Variants in XPR1 observed in about 807,000 individuals in gnomAD.
XPR1 encodes the protein xenotropic and polytropic retrovirus receptor 1.
Under a neutral mutation model 87.5 loss-of-function variants are expected in XPR1, and 28 were observed. The observed-to-expected ratio is 0.32, with a 90% CI of 0.24 to 0.44. The LOEUF is 0.44. Ranked by LOEUF, XPR1 falls within the 20% of genes least tolerant of loss-of-function variation. The pLI is 1.00. For synonymous variants in XPR1, 300 were observed against 306.1 expected (o/e 0.98, Z 0.21); for missense variants, 559 against 862.3 (o/e 0.65, Z 4.41).
In XPR1 at chr1:180,888,213, A is replaced by C. The variant is rs182155186; in HGVS notation, c.*4147A>C. The C allele has an allele frequency of 6.6e-6, 1 of 152,270 alleles. No individual in the cohort carries two copies. Among genetic ancestry groups the C allele is most frequent in the East Asian group, 1.9e-4 (1 of 5,186 alleles). The allele number at this position is 152,270 out of a possible 1,614,324, so 9.4% of individuals were successfully genotyped here. A position where few individuals can be genotyped will look rare whatever the true frequency, so the allele number is the denominator to read the frequency against. ...GAAATAATTATTTATTCCCAAATGCAGTTTTCTAAGCAGTGACCACAAAAA... is the reference window on the plus strand; with the variant it reads ...GAAATAATTATTTATTCCCAAATGCCGTTTTCTAAGCAGTGACCACAAAAA... On this transcript the variant is annotated 3_prime_UTR_variant, in exon 15 of 15. Transcript: ENST00000367590.
At chr1:180,797,044 G>A (rs1649608604) in intron 3 of XPR1, among the ~76,000 whole-genome samples, 2 of 152,154 alleles carry the variant, frequency 1.3e-5, no homozygotes, top group South Asian at 2.1e-4. Flanking sequence ...GGCCATGATG[G>A]AAGTATAGGA....
intron 4 of XPR1, among the ~76,000 whole-genome samples, chr1:180,805,771 A>G (rs1280722838): frequency 6.6e-6 from 1 of 152,262 alleles, no homozygotes; most frequent in Non-Finnish European, 1.5e-5. Context: ...AAAACAGGAA[A>G]CAAAAACATT....
Position 180,730,502 on chromosome 1 carries a change from G to A in XPR1, c.121+48091G>A, listed in dbSNP as rs919602097. ...ATTAAGCTTACTGTTTAGAAGAGGT[G>A]TTAAGATTTACATGAATAATTTTCC... is the stretch of plus-strand genomic sequence containing the variant. On this transcript the variant is annotated intron_variant, in intron 2 of 14. Coordinates refer to ENST00000367590, the MANE Select transcript of XPR1 (RefSeq NM_004736.4). 3.9e-5 allele frequency among the ~76,000 whole-genome samples: 6 copies of A among 152,312 alleles called. No individual in the cohort carries two copies. The East Asian group carries it at 5.8e-4, about 15-fold the overall frequency.
chr1:180,633,595 AG>A (rs1240466182), intron 1 of XPR1, among the ~76,000 whole-genome samples: 1 of 152,212 alleles, frequency 6.6e-6, no homozygotes, highest in African/African-American at 2.4e-5. Flanking sequence ...TGCAACCTAG[AG>A]TATTTCATTA....
chr1:180,696,200 GTGTGTGTGTATATATATATATA>G (rs1245818564), intron 2 of XPR1, among the ~76,000 whole-genome samples: 32 of 110,082 alleles, frequency 2.9e-4, no homozygotes, highest in African/African-American at 4.4e-4. Flanking sequence ...GTGTGTGTGT[GTGTGTGTGTATATATATATATA>G]TATATATATT....
chr1:180,840,532 T>TTGTGTG (rs373937004), intron 11 of XPR1, among the ~76,000 whole-genome samples: 10,084 of 109,788 alleles, frequency 0.092, 502 homozygotes, highest in African/African-American at 0.11. Flanking sequence ...GTTAACATAT[T>TTGTGTG]TGTGTGTGTG....
chr1:180,634,026 T>G (rs75406886), intron 1 of XPR1, among the ~76,000 whole-genome samples: 4,054 of 152,322 alleles, frequency 0.027, 84 homozygotes, highest in Non-Finnish European at 0.039. Context: ...TATCTGGGGC[T>G]GGAAGGAGAA....
At chr1:180,833,019 A>G (rs958465527) in intron 9 of XPR1, among the ~76,000 whole-genome samples, 2 of 152,072 alleles carry the variant, frequency 1.3e-5, no homozygotes, top group African/African-American at 4.8e-5. Context: ...ATTTGTTTGT[A>G]TCCTCTCTTA....
chr1:180,835,809 G>A, intron 10 of XPR1, among the ~76,000 whole-genome samples: 1 of 152,260 alleles, frequency 6.6e-6, no homozygotes, highest in African/African-American at 2.4e-5. Flanking sequence ...CTTGTGTTGT[G>A]GTGGTTTGGA....
At position 180,834,870 on chromosome 1, in the gene XPR1, TCA is replaced by T; in HGVS notation, c.1135-3_1135-2del. On this transcript the variant is annotated splice_acceptor_variant and splice_polypyrimidine_tract_variant and intron_variant, in intron 9 of 14. Transcript: ENST00000367590. LOFTEE classifies it high-confidence loss of function. ...TGTGTTTTCTGATTTTTTTTTTCTTTCAGTTTCGAGTATTTACAGCCCCCTTC... is the reference window on the plus strand; with the variant it reads ...TGTGTTTTCTGATTTTTTTTTTCTTTGTTTCGAGTATTTACAGCCCCCTTC... The T allele has an allele frequency of 6.3e-7, 1 of 1,588,492 alleles. No individual in the cohort carries two copies. The highest frequency in any genetic ancestry group is 8.5e-7 in the Non-Finnish European group (1 of 1,171,226).
intron 2 of XPR1, among the ~76,000 whole-genome samples, chr1:180,707,294 T>G (rs1657592154): frequency 6.6e-6 from 1 of 152,340 alleles, no homozygotes; most frequent in East Asian, 1.9e-4. Context: ...AACCAGGTAT[T>G]AAGCCTAGTA....
chr1:180,686,146 A>G (rs1656767370), intron 2 of XPR1, among the ~76,000 whole-genome samples: 1 of 151,652 alleles, frequency 6.6e-6, no homozygotes, highest in Non-Finnish European at 1.5e-5. Flanking sequence ...TTTCCTCTAC[A>G]CACTGCTTTG....
chr1:180,759,323 A>G (rs958870456), intron 2 of XPR1, among the ~76,000 whole-genome samples: 4 of 152,334 alleles, frequency 2.6e-5, no homozygotes, highest in African/African-American at 9.6e-5. Context: ...TAATGAATCC[A>G]GGAGCTGGTT....
intron 7 of XPR1, among the ~76,000 whole-genome samples, chr1:180,818,013 A>C (rs557917403): frequency 1.3e-5 from 2 of 152,264 alleles, no homozygotes; most frequent in Admixed American, 1.3e-4. Flanking sequence ...GTGAAAAAAA[A>C]AAAAGGCCTG....
chr1:180,680,024 A>G (rs1405409111), intron 1 of XPR1, among the ~76,000 whole-genome samples: 1 of 152,198 alleles, frequency 6.6e-6, no homozygotes, highest in Non-Finnish European at 1.5e-5. Context: ...AAGGAACTCA[A>G]ACATCTTAAC....
At chr1:180,714,679 A>ATAAACATGAGCCACTGCATGG in intron 2 of XPR1, among the ~76,000 whole-genome samples, 1 of 152,206 alleles carries the variant, frequency 6.6e-6, no homozygotes, top group African/African-American at 2.4e-5. Flanking sequence ...TGCTCAGATT[A>ATAAACATGAGCCACTGCATGG]CAGGTGCGAA....
rs1357904597 is a variant in XPR1, at chr1:180,888,077, G to A, written c.*4011G>A. On this transcript the variant is annotated 3_prime_UTR_variant, in exon 15 of 15. Coordinates refer to ENST00000367590, the MANE Select transcript of XPR1 (RefSeq NM_004736.4). ...GGCAGTTAGGAAAGTACGTGAGCCT[G>A]ATGACGCGAAGGTGATGCCTCCATC... 2 of 152,210 alleles carry A rather than the reference G, an allele frequency of 1.3e-5. No homozygotes were observed. The highest frequency in any genetic ancestry group is 2.9e-5 in the Non-Finnish European group (2 of 68,032). The allele number at this position is 152,210 out of a possible 1,614,324, so 9.4% of individuals were successfully genotyped here.
At chr1:180,703,669 A>T (rs924443162) in intron 2 of XPR1, among the ~76,000 whole-genome samples, 1 of 152,142 alleles carries the variant, frequency 6.6e-6, no homozygotes, top group African/African-American at 2.4e-5. Flanking sequence ...GTGTATTTTA[A>T]GATTTATTAG....
intron 2 of XPR1, among the ~76,000 whole-genome samples, chr1:180,756,897 TTGTTGAAAAGA>T (rs1647769162): frequency 6.6e-6 from 1 of 152,220 alleles, no homozygotes; most frequent in East Asian, 1.9e-4. Context: ...CCACCACCAT[TTGTTGAAAAGA>T]CTAGTCTTTC....
Sources: allele counts gnomAD v4.1 joint callset (sites outside exome capture counted in the v4.1 genomes callset), GRCh38; gene constraint gnomAD v4.1.1; transcripts MANE v1.5; gene names NCBI Gene and HGNC (gene_info 2026-07-23, HGNC 2026-07-21).